Variants in CTNND2 observed in about 807,000 individuals in gnomAD.
CTNND2 encodes the protein catenin delta-2.
Under a neutral mutation model 144.4 loss-of-function variants are expected in CTNND2, and 22 were observed. That is an observed-to-expected ratio of 0.15 (90% CI 0.11 to 0.22). The LOEUF (loss-of-function observed/expected upper bound fraction) is 0.22. Ranked by LOEUF, CTNND2 falls within the 10% of genes least tolerant of loss-of-function variation. The pLI is 1.00. For synonymous variants in CTNND2, 751 were observed against 695.6 expected (o/e 1.08, Z -1.25); for missense variants, 1,353 against 1,618.8 (o/e 0.84, Z 2.82).
chr5:11,320,649 G>A (rs1055495943), intron 9 of CTNND2, among the ~76,000 whole-genome samples: 32 of 152,192 alleles, frequency 2.1e-4, no homozygotes, highest in Non-Finnish European at 1.5e-5. Flanking sequence ...AAGAGGCAAA[G>A]AGGGAGCTTG....
chr5:11,300,174 G>A (rs1032935821), intron 9 of CTNND2, among the ~76,000 whole-genome samples: 2 of 152,062 alleles, frequency 1.3e-5, no homozygotes, highest in African/African-American at 2.4e-5. Context: ...CATGGGGAAC[G>A]GATAGGATTT....
rs61750706 is a variant in CTNND2 at position 11,346,556 on chromosome 5, C to A, written c.1444G>T (p.Ala482Ser). ...TGSQHGPQNA[A>S]AATFQRASYA... The stretch of plus-strand genomic sequence containing the variant: ...CTGGCCCTCTGGAAGGTGGCCGCGG[C>A]GGCATTCTGTGGGCCGTGCTGGCTG... Residue 482 changes from alanine to serine, a missense_variant, in exon 9 of 22, where the codon GCC becomes TCC. By Grantham distance (99) the Ala-to-Ser change is moderately conservative (BLOSUM62 1). Coordinates refer to ENST00000304623, the MANE Select transcript of CTNND2 (RefSeq NM_001332.4). 14 of 1,603,026 alleles carry A rather than the reference C, an allele frequency of 8.7e-6. No individual in the cohort carries two copies. Among genetic ancestry groups the A allele is most frequent in the Admixed American group, 3.4e-5 (2 of 58,240 alleles).
chr5:11,659,761 C>G (rs1430196626), intron 2 of CTNND2, among the ~76,000 whole-genome samples: 1 of 152,124 alleles, frequency 6.6e-6, no homozygotes, highest in Non-Finnish European at 1.5e-5. Context: ...TTCAAGGACT[C>G]TCTTCAGTGG....
At chr5:11,447,504 A>T (rs1764927578) in intron 3 of CTNND2, among the ~76,000 whole-genome samples, 1 of 152,238 alleles carries the variant, frequency 6.6e-6, no homozygotes, top group South Asian at 2.1e-4. Context: ...GTAACTATTT[A>T]TTTATTACCC....
intron 3 of CTNND2, among the ~76,000 whole-genome samples, chr5:11,439,646 C>T (rs998165645): frequency 6.6e-6 from 1 of 152,020 alleles, no homozygotes; most frequent in Non-Finnish European, 1.5e-5. Context: ...AATCCTCCTA[C>T]CTCAGCTTCC....
intron 8 of CTNND2, among the ~76,000 whole-genome samples, chr5:11,360,705 T>G (rs1756361674): frequency 6.6e-6 from 1 of 152,186 alleles, no homozygotes; most frequent in South Asian, 2.1e-4. Context: ...CTTCAGGTTT[T>G]TTTTGGAATA....
intron 9 of CTNND2, among the ~76,000 whole-genome samples, chr5:11,261,993 G>A (rs755281086): frequency 5.3e-5 from 8 of 152,026 alleles, no homozygotes; most frequent in Non-Finnish European, 1.2e-4. Context: ...ACATATCTAC[G>A]CCTTAGTTAT....
chr5:11,809,118 T>C (rs1052129457), intron 1 of CTNND2, among the ~76,000 whole-genome samples: 2 of 152,214 alleles, frequency 1.3e-5, no homozygotes, highest in African/African-American at 4.8e-5. Context: ...TTTCTCCTTG[T>C]AATAAGGATG....
chr5:11,371,067 T>C (rs1181759093), intron 7 of CTNND2, among the ~76,000 whole-genome samples: 1 of 151,750 alleles, frequency 6.6e-6, no homozygotes, highest in Non-Finnish European at 1.5e-5. Context: ...TAGATGCCAA[T>C]TTTTCCCTTG....
chr5:11,105,684 A>G (rs6880538), intron 14 of CTNND2, among the ~76,000 whole-genome samples: 3,727 of 152,362 alleles, frequency 0.024, 157 homozygotes, highest in African/African-American at 0.085. Context: ...GATGGGCTAT[A>G]TCTTCCACTA....
intron 3 of CTNND2, among the ~76,000 whole-genome samples, chr5:11,481,759 A>C (rs1399843891): frequency 6.6e-6 from 1 of 152,156 alleles, no homozygotes; most frequent in African/African-American, 2.4e-5. Context: ...TATTTGTAAT[A>C]GTCATATTTG....
chr5:11,644,961 T>G (rs572153232), intron 2 of CTNND2, among the ~76,000 whole-genome samples: 1 of 152,200 alleles, frequency 6.6e-6, no homozygotes, highest in East Asian at 1.9e-4. Context: ...TGTATATACT[T>G]TCACAGTATT....
intron 1 of CTNND2, among the ~76,000 whole-genome samples, chr5:11,895,241 C>T (rs539568120): frequency 2.6e-5 from 4 of 152,084 alleles, no homozygotes; most frequent in Admixed American, 6.6e-5. Flanking sequence ...TGTGCAGGTG[C>T]GTTTATGCTT....
rs1376952910 is a variant in CTNND2, at chr5:11,238,396, G to A, written c.1629-1573C>T. On this transcript the variant is annotated intron_variant, in intron 9 of 21. Coordinates refer to ENST00000304623, the MANE Select transcript of CTNND2 (RefSeq NM_001332.4). Reference sequence around the variant, plus strand: ...GCATACATCCTATCAATGCCAGGTCGATGCTGTCATCTGGGAAGAGAAGAC... The same window carrying A: ...GCATACATCCTATCAATGCCAGGTCAATGCTGTCATCTGGGAAGAGAAGAC... Among the ~76,000 whole-genome samples the A allele has an allele frequency of 2.0e-5, 3 of 152,166 alleles. No individual in the cohort carries two copies. In the East Asian group the frequency reaches 5.8e-4, roughly 29 times the overall value.
chr5:11,900,833 G>A (rs1318412482), intron 1 of CTNND2, among the ~76,000 whole-genome samples: 1 of 152,114 alleles, frequency 6.6e-6, no homozygotes, highest in Non-Finnish European at 1.5e-5. Context: ...TCCATGCTTA[G>A]TTTTTGTTCA....
chr5:11,075,533 G>A (rs960365454), intron 16 of CTNND2, among the ~76,000 whole-genome samples: 1 of 152,196 alleles, frequency 6.6e-6, no homozygotes, highest in South Asian at 2.1e-4. Context: ...CTCATGACAC[G>A]GAGGATAGGT....
chr5:11,383,221 C>G (rs1385342125), intron 7 of CTNND2, among the ~76,000 whole-genome samples: 1 of 152,108 alleles, frequency 6.6e-6, no homozygotes, highest in Non-Finnish European at 1.5e-5. Flanking sequence ...CGCCTGGACT[C>G]CCTGCGCCTC....
intron 8 of CTNND2, among the ~76,000 whole-genome samples, chr5:11,347,952 G>A (rs932673977): frequency 1.3e-5 from 2 of 152,086 alleles, no homozygotes; most frequent in Non-Finnish European, 2.9e-5. Flanking sequence ...CTAATACCGA[G>A]GATTGACTTA....
At chr5:11,250,491 C>CTA (rs1285130441) in intron 9 of CTNND2, among the ~76,000 whole-genome samples, 2,483 of 64,020 alleles carry the variant, frequency 0.039, 76 homozygotes, top group South Asian at 0.054. Context: ...CTCTCTCTCT[C>CTA]TATATATATA....
Sources: allele counts gnomAD v4.1 joint callset (sites outside exome capture counted in the v4.1 genomes callset), GRCh38; gene constraint gnomAD v4.1.1; transcripts MANE v1.5; gene names NCBI Gene and HGNC (gene_info 2026-07-23, HGNC 2026-07-21).